EFL1: variants seen among roughly 807,000 people sequenced by gnomAD.
EFL1 encodes elongation factor-like GTPase 1.
In EFL1, 76 loss-of-function variants were observed where a neutral mutation model predicts 126.7. That is an observed-to-expected ratio of 0.60 (90% CI 0.50 to 0.73). EFL1 has a LOEUF of 0.73. EFL1 is among the 30% of genes least tolerant of loss of function. EFL1 has a pLI of 0.00. For missense variants in EFL1, 1,128 were observed against 1,343.2 expected, an observed-to-expected ratio of 0.84 and a Z score of 2.50; for synonymous variants, 410 against 448.4, an observed-to-expected ratio of 0.91 and a Z score of 1.08.
At chr15:82,209,792 A>G (rs1227949262) in intron 15 of EFL1, among the ~76,000 whole-genome samples, 1 of 152,256 alleles carries the variant, frequency 6.6e-6, no homozygotes, top group East Asian at 1.9e-4. Context: ...ATCGGCACAC[A>G]TAAGTTCTCT....
At chr15:82,139,516 C>A (rs759423930) in intron 18 of EFL1, among the ~76,000 whole-genome samples, 9 of 152,186 alleles carry the variant, frequency 5.9e-5, no homozygotes, top group Non-Finnish European at 1.3e-4. Context: ...AGGCACAATT[C>A]TGCCTCACAC....
At chr15:82,260,183 T>C (rs2075101063) in intron 2 of EFL1, among the ~76,000 whole-genome samples, 1 of 152,130 alleles carries the variant, frequency 6.6e-6, no homozygotes, top group Admixed American at 6.5e-5. Flanking sequence ...AAACAATACA[T>C]TTAAAGTAAT....
intron 19 of EFL1, 30 bp from the exon 20 acceptor site, chr15:82,130,591 G>A (rs1403796262): frequency 4.4e-6 from 7 of 1,605,320 alleles, no homozygotes; most frequent in South Asian, 3.3e-5. Context: ...GAATGTGCAA[G>A]GTTAGGCATT....
intron 19 of EFL1, among the ~76,000 whole-genome samples, chr15:82,135,285 A>C (rs1385445122): frequency 3.3e-5 from 5 of 151,974 alleles, no homozygotes; most frequent in Admixed American, 2.6e-4. Flanking sequence ...TACATGTATA[A>C]GATCAATTTT....
chr15:82,132,681 T>TGGGTGCG (rs1491165425), intron 19 of EFL1, among the ~76,000 whole-genome samples: 1 of 42,956 alleles, frequency 2.3e-5, no homozygotes, highest in African/African-American at 9.2e-5. Flanking sequence ...GTCCAGGAAT[T>TGGGTGCG]GGGGGGGGGG....
At chr15:82,203,668 G>A (rs1448622380) in intron 15 of EFL1, among the ~76,000 whole-genome samples, 4 of 152,292 alleles carry the variant, frequency 2.6e-5, no homozygotes, top group East Asian at 1.9e-4. Flanking sequence ...GTGAGCCACC[G>A]CGCCTGGCCA....
intron 12 of EFL1, among the ~76,000 whole-genome samples, chr15:82,221,191 T>G (rs1488405742): frequency 2.6e-5 from 4 of 152,200 alleles, no homozygotes; most frequent in Non-Finnish European, 4.4e-5. Flanking sequence ...CCCAACACTT[T>G]GTGCCTCTCT....
At chr15:82,160,899 G>A (rs894529525) in intron 16 of EFL1, among the ~76,000 whole-genome samples, 4 of 152,164 alleles carry the variant, frequency 2.6e-5, no homozygotes, top group East Asian at 3.8e-4. Flanking sequence ...GCTTTTGGGA[G>A]GATTAAATGA....
intron 15 of EFL1, among the ~76,000 whole-genome samples, chr15:82,202,875 G>A (rs769732604): frequency 5.8e-4 from 87 of 150,770 alleles, no homozygotes; most frequent in Non-Finnish European, 1.1e-3. Flanking sequence ...ACAATGGTGC[G>A]ATCTCAGTTC....
intron 19 of EFL1, among the ~76,000 whole-genome samples, chr15:82,131,971 A>G (rs1454942487): frequency 6.6e-6 from 1 of 152,208 alleles, no homozygotes; most frequent in Non-Finnish European, 1.5e-5. Flanking sequence ...GGTATATCTA[A>G]CAGGAGTTCT....
intron 18 of EFL1, among the ~76,000 whole-genome samples, chr15:82,146,016 C>T (rs1182407607): frequency 6.7e-6 from 1 of 150,068 alleles, no homozygotes; most frequent in East Asian, 1.9e-4. Context: ...GCAGGTAAAA[C>T]CTCAGCAATA....
chr15:82,198,242 A>G (rs2074428736), intron 15 of EFL1, among the ~76,000 whole-genome samples: 1 of 152,146 alleles, frequency 6.6e-6, no homozygotes, highest in Non-Finnish European at 1.5e-5. Flanking sequence ...GGAACATTGC[A>G]GATGCCTTTT....
At chr15:82,244,341 C>A (rs1240448789) in intron 4 of EFL1, among the ~76,000 whole-genome samples, 1 of 152,030 alleles carries the variant, frequency 6.6e-6, no homozygotes, top group Non-Finnish European at 1.5e-5. Context: ...AGGGGTTTAC[C>A]ATGGTAGATA....
chr15:82,195,450 A>G (rs933295569), intron 15 of EFL1, among the ~76,000 whole-genome samples: 1 of 152,220 alleles, frequency 6.6e-6, no homozygotes, highest in Non-Finnish European at 1.5e-5. Flanking sequence ...AAACTGATGT[A>G]GGCCCTTGGG....
At position 82,239,198 on chromosome 15, in the gene EFL1, G is replaced by A. The variant is rs148681515; in HGVS notation, c.517-677C>T. ...GTTGCCCAGGCTGGAGTGCAGTGGC[G>A]TGATCTTGGCTCACCACACGCTCTG... On this transcript the variant is annotated intron_variant, in intron 6 of 19. Transcript: ENST00000268206. Among the ~76,000 whole-genome samples, 606 of 152,184 alleles carry A rather than the reference G, an allele frequency of 4.0e-3. 7 individuals carry two copies. The highest frequency in any genetic ancestry group is 3.5e-3 in the Non-Finnish European group (241 of 68,010).
chr15:82,145,059 T>G (rs944783467), intron 18 of EFL1, among the ~76,000 whole-genome samples: 1 of 151,076 alleles, frequency 6.6e-6, no homozygotes, highest in Non-Finnish European at 1.5e-5. Context: ...ATACCAGCAC[T>G]TTGGGAGGCC....
intron 18 of EFL1, among the ~76,000 whole-genome samples, chr15:82,150,944 A>G (rs1023574862): frequency 6.6e-6 from 1 of 152,206 alleles, no homozygotes; most frequent in African/African-American, 2.4e-5. Flanking sequence ...AAAGGATTCT[A>G]TTTGTTGCAA....
rs74482145 is a variant in EFL1, at chr15:82,190,611, T to A, written c.1750+24106A>T. Among the ~76,000 whole-genome samples the A allele has an allele frequency of 1.8e-3, 277 of 152,334 alleles. 4 individuals carry two copies. In the East Asian group the frequency reaches 0.039, roughly 21 times the overall value. ...AGGAGGATAGATTTTAGTTTTATTA[T>A]AAATTTATTTGCCATGTTAGTGATC... is the stretch of plus-strand genomic sequence containing the variant. On this transcript the variant is annotated intron_variant, in intron 15 of 19. Coordinates refer to ENST00000268206, the MANE Select transcript of EFL1 (RefSeq NM_024580.6).
At chr15:82,139,888 CTTTA>C (rs1001857333) in intron 18 of EFL1, among the ~76,000 whole-genome samples, 4 of 152,138 alleles carry the variant, frequency 2.6e-5, no homozygotes, top group South Asian at 2.1e-4. Flanking sequence ...ACCCACTTAC[CTTTA>C]TTTATTTATT....
Sources: allele counts gnomAD v4.1 joint callset (sites outside exome capture counted in the v4.1 genomes callset), GRCh38; gene constraint gnomAD v4.1.1; transcripts MANE v1.5; gene names NCBI Gene and HGNC (gene_info 2026-07-23, HGNC 2026-07-21).